LMNTD1: variants seen among roughly 807,000 people sequenced by gnomAD.
LMNTD1 encodes lamin tail domain-containing protein 1.
In LMNTD1, 35 loss-of-function variants were observed where a neutral mutation model predicts 50.9. That is an observed-to-expected ratio of 0.69 (90% CI 0.53 to 0.91). LMNTD1 has a LOEUF of 0.91. Ranked by LOEUF, LMNTD1 falls within the 40% of genes least tolerant of loss-of-function variation. The probability of loss-of-function intolerance (pLI) is 0.00; values close to 1 mark genes in which losing one functional copy is unlikely to be tolerated. For missense variants in LMNTD1, 470 were observed against 475.5 expected, an observed-to-expected ratio of 0.99 and a Z score of 0.11; for synonymous variants, 153 against 161.9, an observed-to-expected ratio of 0.94 and a Z score of 0.42.
intron 9 of LMNTD1, among the ~76,000 whole-genome samples, chr12:25,494,730 A>C (rs914660771): frequency 1.3e-5 from 2 of 152,194 alleles, no homozygotes; most frequent in Non-Finnish European, 2.9e-5. Context: ...AAATATTTAC[A>C]GTGTACAACA....
At chr12:25,542,809 T>C (rs1005183720) in intron 4 of LMNTD1, among the ~76,000 whole-genome samples, 1 of 144,540 alleles carries the variant, frequency 6.9e-6, no homozygotes, top group Non-Finnish European at 1.5e-5. Context: ...TGAAAATCAA[T>C]TAAATAAAAA....
At chr12:25,518,624 TA>T (rs1264476987) in intron 8 of LMNTD1, among the ~76,000 whole-genome samples, 170 bp downstream of exon 8, 2 of 152,222 alleles carry the variant, frequency 1.3e-5, no homozygotes. Context: ...GACACTGTGC[TA>T]GGGGAAATGT....
chr12:25,627,494 G>C (rs1232339394), intron 1 of LMNTD1, among the ~76,000 whole-genome samples: 5 of 152,118 alleles, frequency 3.3e-5, no homozygotes, highest in Non-Finnish European at 7.4e-5. Flanking sequence ...CAGGTGCTGG[G>C]GGATAAAACA....
intron 1 of LMNTD1, among the ~76,000 whole-genome samples, chr12:25,607,593 C>A (rs1261242018): frequency 2.6e-5 from 4 of 152,080 alleles, no homozygotes; most frequent in African/African-American, 9.7e-5. Context: ...CTTTATGTAC[C>A]CAGTAGTCAT....
intron 4 of LMNTD1, among the ~76,000 whole-genome samples, chr12:25,535,706 G>A (rs1489573087): frequency 6.6e-6 from 1 of 151,850 alleles, no homozygotes; most frequent in Admixed American, 6.6e-5. Context: ...ATAACAAGAT[G>A]GTAGACTAAA....
intron 9 of LMNTD1, among the ~76,000 whole-genome samples, chr12:25,482,594 T>C (rs1417173021): frequency 6.6e-6 from 1 of 152,002 alleles, no homozygotes; most frequent in Non-Finnish European, 1.5e-5. Flanking sequence ...CAATCAGTCA[T>C]AAAATTTAAG....
At position 25,503,809 on chromosome 12, in the gene LMNTD1, TA is replaced by T. The variant is rs540645607; in HGVS notation, c.1190-10del. On this transcript the variant is annotated splice_polypyrimidine_tract_variant and intron_variant, in intron 8 of 9. Transcript: ENST00000458174. ...CTTCTTTTTCTTAGACCCTGAAAAT[TA>T]AAAAAAATAATTAAAAAAAGGAGAG... The T allele has an allele frequency of 1.6e-4, 239 of 1,517,402 alleles. No homozygotes were observed. The highest frequency in any genetic ancestry group is 2.1e-4 in the African/African-American group (15 of 71,934). 94.0% of individuals were successfully genotyped at this position (1,517,402 alleles called of 1,614,324 possible).
At chr12:25,581,193 A>T (rs930929646) in intron 1 of LMNTD1, among the ~76,000 whole-genome samples, 4 of 151,726 alleles carry the variant, frequency 2.6e-5, no homozygotes, top group Non-Finnish European at 5.9e-5. Context: ...CTGCTGAGAA[A>T]TGGTCATATG....
rs190076612 is a variant in LMNTD1 at position 25,611,181 on chromosome 12, A to T, written c.58+37313T>A. On this transcript the variant is annotated intron_variant, in intron 1 of 7. Coordinates refer to the LMNTD1 transcript ENST00000445693. ...TGTAGCAAAGCTATGCCATTTGGTG[A>T]TTAAGAAGAAATGTTATTAAAGGGC... 2.5e-3 allele frequency among the ~76,000 whole-genome samples: 374 copies of T among 152,326 alleles called. 12 individuals carry two copies. Among genetic ancestry groups the T allele is most frequent in the Non-Finnish European group, 2.2e-4 (15 of 68,030 alleles).
At chr12:25,525,617 A>G (rs1941648865) in intron 6 of LMNTD1, among the ~76,000 whole-genome samples, 1 of 152,154 alleles carries the variant, frequency 6.6e-6, no homozygotes, top group Non-Finnish European at 1.5e-5. Flanking sequence ...GGGCCCTTTG[A>G]CATTGGGAAG....
intron 1 of LMNTD1, among the ~76,000 whole-genome samples, chr12:25,628,674 G>A (rs142152295): frequency 6.6e-6 from 1 of 152,312 alleles, no homozygotes; most frequent in Non-Finnish European, 1.5e-5. Flanking sequence ...GAGTCAGAGA[G>A]AAGGCCATGC....
chr12:25,519,153 C>G (rs1317865578), intron 7 of LMNTD1, among the ~76,000 whole-genome samples, 186 bp from the exon 8 acceptor site: 2 of 152,092 alleles, frequency 1.3e-5, no homozygotes, highest in African/African-American at 4.8e-5. Context: ...TATTCTGCAC[C>G]TCTGTCCATA....
chr12:25,645,959 C>T (rs750601526), intron 1 of LMNTD1, among the ~76,000 whole-genome samples: 13 of 152,104 alleles, frequency 8.5e-5, no homozygotes, highest in Non-Finnish European at 1.9e-4. Context: ...GAATGTGACA[C>T]TCAGAAGGAC....
intron 8 of LMNTD1, among the ~76,000 whole-genome samples, chr12:25,515,584 G>GAAACAATACC (rs1190980891): frequency 2.0e-5 from 3 of 152,010 alleles, no homozygotes; most frequent in East Asian, 3.8e-4. Flanking sequence ...TTGGTAATGT[G>GAAACAATACC]AAACAATACA....
intron 4 of LMNTD1, among the ~76,000 whole-genome samples, chr12:25,527,681 T>TATATATACAC (rs1463259109): frequency 1.2e-4 from 4 of 32,342 alleles, no homozygotes; most frequent in African/African-American, 2.3e-4. Context: ...TATATATATA[T>TATATATACAC]ACACACACAC....
intron 1 of LMNTD1, among the ~76,000 whole-genome samples, chr12:25,576,978 G>T (rs1945049196): frequency 6.6e-6 from 1 of 152,088 alleles, no homozygotes; most frequent in South Asian, 2.1e-4. Flanking sequence ...TTTTTCCCAG[G>T]TTTGTCAAAG....
At chr12:25,636,905 A>G (rs1275993827) in intron 1 of LMNTD1, among the ~76,000 whole-genome samples, 2 of 151,908 alleles carry the variant, frequency 1.3e-5, no homozygotes, top group South Asian at 2.1e-4. Context: ...ACCAAAAGTC[A>G]TATGTTCTCA....
At chr12:25,635,005 C>G (rs956172412) in intron 1 of LMNTD1, among the ~76,000 whole-genome samples, 1 of 152,046 alleles carries the variant, frequency 6.6e-6, no homozygotes, top group Admixed American at 6.6e-5. Context: ...CTTTGGGAGG[C>G]CGAGGCCGTG....
chr12:25,555,294 T>C (rs1419841068), upstream of LMNTD1, among the ~76,000 whole-genome samples: 5 of 152,176 alleles, frequency 3.3e-5, no homozygotes, highest in Admixed American at 6.5e-5. Flanking sequence ...GTAGTATTCA[T>C]GTGGTTGATA....
Sources: allele counts gnomAD v4.1 joint callset (sites outside exome capture counted in the v4.1 genomes callset), GRCh38; gene constraint gnomAD v4.1.1; transcripts MANE v1.5; gene names NCBI Gene and HGNC (gene_info 2026-07-23, HGNC 2026-07-21).